The following DOCK7 variants were observed in gnomAD, a reference collection of about 807,000 sequenced individuals.
The protein encoded by DOCK7 is dedicator of cytokinesis protein 7.
Under a neutral mutation model 271.0 loss-of-function variants are expected in DOCK7, and 138 were observed. The ratio of observed to expected loss-of-function variants is 0.51; its 90% confidence interval spans 0.44 to 0.59. DOCK7 has a LOEUF of 0.59. DOCK7 is among the 20% of genes least tolerant of loss of function. The pLI, the probability that DOCK7 is intolerant of heterozygous loss-of-function variation, is 0.00. For synonymous variants in DOCK7, 823 were observed against 876.1 expected, an observed-to-expected ratio of 0.94 and a Z score of 1.07; for missense variants, 2,066 against 2,592.4, an observed-to-expected ratio of 0.80 and a Z score of 4.41.
rs898468897 is a variant in DOCK7, at chr1:62,530,406, C to T, written c.3612-960G>A. Reference sequence around the variant, plus strand: ...TTTTTTCAACAGCTTCAATGTCTCCCCTCATTAGGTTCTTCCCTTCTTTCT... The same window carrying T: ...TTTTTTCAACAGCTTCAATGTCTCCTCTCATTAGGTTCTTCCCTTCTTTCT... On this transcript the variant is annotated intron_variant, in intron 29 of 49. Transcript: ENST00000635253. Among the ~76,000 whole-genome samples, 6 of 152,256 alleles carry T rather than the reference C, an allele frequency of 3.9e-5. No individual in the cohort carries two copies. In the East Asian group the frequency reaches 9.7e-4, roughly 25 times the overall value.
intron 4 of DOCK7, among the ~76,000 whole-genome samples, chr1:62,648,975 T>A (rs556968395): frequency 1.6e-4 from 25 of 152,230 alleles, no homozygotes; most frequent in African/African-American, 5.8e-4. Context: ...AGCCAAGAAA[T>A]TTTTTGCTAT....
At chr1:62,683,612 C>T (rs1351346716) in intron 1 of DOCK7, among the ~76,000 whole-genome samples, 1 of 152,190 alleles carries the variant, frequency 6.6e-6, no homozygotes, top group African/African-American at 2.4e-5. Context: ...GGAACTACCA[C>T]AGAAAATATT....
Position 62,511,828 on chromosome 1 carries a change from AT to A in DOCK7, c.4283-1156del, listed in dbSNP as rs1027021949. On this transcript the variant is annotated intron_variant, in intron 33 of 49. Transcript: ENST00000635253. ...TTAACTATAATATTCTATCATTTAC[AT>A]TTTTTCCCACGAAACTCTCAATAGT... 3.9e-5 allele frequency among the ~76,000 whole-genome samples: 6 copies of A among 152,128 alleles called. No individual in the cohort carries two copies. The East Asian group carries it at 5.8e-4, about 15-fold the overall frequency.
At chr1:62,656,859 A>G (rs886395728) in intron 2 of DOCK7, among the ~76,000 whole-genome samples, 1 of 152,192 alleles carries the variant, frequency 6.6e-6, no homozygotes, top group Non-Finnish European at 1.5e-5. Flanking sequence ...GCAGCCTGAC[A>G]AAACAAAAAA....
intron 48 of DOCK7, among the ~76,000 whole-genome samples, chr1:62,469,369 T>C (rs1645765591): frequency 6.6e-6 from 1 of 152,160 alleles, no homozygotes; most frequent in Non-Finnish European, 1.5e-5. Flanking sequence ...GCAAGCCATA[T>C]ACAGGAGAAT....
intron 31 of DOCK7, 68 bp from the exon 32 acceptor site, chr1:62,513,966 C>T (rs775290994): frequency 2.1e-6 from 3 of 1,402,816 alleles, no homozygotes; most frequent in Non-Finnish European, 1.9e-6. Context: ...TGGCTATCAA[C>T]TGTTTTCTTC....
At chr1:62,686,861 T>G (rs1327547670) in intron 1 of DOCK7, among the ~76,000 whole-genome samples, 1 of 148,644 alleles carries the variant, frequency 6.7e-6, no homozygotes, top group Non-Finnish European at 1.5e-5. Flanking sequence ...AAAAAAAAAG[T>G]GCTAGAACGC....
At chr1:62,686,882 GA>G (rs113655880) in intron 1 of DOCK7, among the ~76,000 whole-genome samples, 5 of 147,444 alleles carry the variant, frequency 3.4e-5, no homozygotes, top group Admixed American at 6.8e-5. Flanking sequence ...TGGAAAGAAA[GA>G]AAAAAAAAAG....
At chr1:62,587,316 A>AAAAAAAAAAAAC (rs1647705724) in intron 14 of DOCK7, among the ~76,000 whole-genome samples, 1 of 150,928 alleles carries the variant, frequency 6.6e-6, no homozygotes, top group Non-Finnish European at 1.5e-5. Context: ...AAAAAAAAAA[A>AAAAAAAAAAAAC]AAAAAAAGAA....
At chr1:62,590,462 T>C (rs1648272299) in intron 14 of DOCK7, among the ~76,000 whole-genome samples, 1 of 152,202 alleles carries the variant, frequency 6.6e-6, no homozygotes, top group African/African-American at 2.4e-5. Context: ...ACCTGAAGTA[T>C]GTCTATAATT....
intron 35 of DOCK7, among the ~76,000 whole-genome samples, chr1:62,507,648 C>CT (rs1646982497): frequency 6.6e-6 from 1 of 152,158 alleles, no homozygotes; most frequent in Non-Finnish European, 1.5e-5. Context: ...GTAGCTATAG[C>CT]TATACATGCA....
In DOCK7 at chr1:62,583,337, A is replaced by G. The variant is rs1279777425; in HGVS notation, c.1801-83T>C. 3 of 1,316,580 alleles carry G rather than the reference A, an allele frequency of 2.3e-6. No homozygotes were observed. The African/African-American group carries it at 4.4e-5, about 19-fold the overall frequency. The allele number at this position is 1,316,580 out of a possible 1,614,324, so 81.6% of individuals were successfully genotyped here. A position where few individuals can be genotyped will look rare whatever the true frequency, so the allele number is the denominator to read the frequency against. Reference sequence around the variant, plus strand: ...ACTATGTAAGAATTTGTCTGATTTAATAACTATTTGAGAAAAATGGGCAAA... The same window carrying G: ...ACTATGTAAGAATTTGTCTGATTTAGTAACTATTTGAGAAAAATGGGCAAA... On this transcript the variant is annotated intron_variant, in intron 15 of 49. Transcript: ENST00000635253.
rs1424853070 is a variant in DOCK7, at chr1:62,601,344, C to T, written c.1683-14720G>A. 1.1e-5 allele frequency: 7 copies of T among 635,832 alleles called. No homozygotes were observed. The East Asian group carries it at 1.7e-4, about 15-fold the overall frequency. 39.4% of individuals were successfully genotyped at this position (635,832 alleles called of 1,614,324 possible). On this transcript the variant is annotated intron_variant, in intron 14 of 49. Coordinates refer to ENST00000635253, the MANE Select transcript of DOCK7 (RefSeq NM_001367561.1). Reference sequence around the variant, plus strand: ...CTGGATGCTGGGGTTCTTTTTACACCCTATAAAAGACATACCTAAGACAAT... The same window carrying T: ...CTGGATGCTGGGGTTCTTTTTACACTCTATAAAAGACATACCTAAGACAAT...
intron 16 of DOCK7, among the ~76,000 whole-genome samples, chr1:62,581,882 T>G (rs922407241): frequency 1.3e-4 from 20 of 152,170 alleles, no homozygotes; most frequent in African/African-American, 4.3e-4. Flanking sequence ...AAAGGACTGT[T>G]GTGTTTTTAA....
In DOCK7 at chr1:62,505,082, T is replaced by C. The variant is rs74664127; in HGVS notation, c.4612-300A>G. ...TTCTATCAGAATGTGCATAAAACAC[T>C]TAGTAATCAACATATATGAATTCTA... On this transcript the variant is annotated intron_variant, in intron 36 of 49. Coordinates refer to ENST00000635253, the MANE Select transcript of DOCK7 (RefSeq NM_001367561.1). 0.017 allele frequency among the ~76,000 whole-genome samples: 2,639 copies of C among 152,292 alleles called. 76 individuals are homozygous for C. Among genetic ancestry groups the C allele is most frequent in the African/African-American group, 0.06 (2,491 of 41,556 alleles).
chr1:62,525,041 T>C (rs933331863), intron 31 of DOCK7, among the ~76,000 whole-genome samples: 9 of 150,790 alleles, frequency 6.0e-5, no homozygotes, highest in African/African-American at 2.2e-4. Context: ...AGTCTTGCTC[T>C]GTTGCCCAGG....
intron 37 of DOCK7, among the ~76,000 whole-genome samples, chr1:62,502,793 G>C (rs1011177747): frequency 6.6e-6 from 1 of 152,030 alleles, no homozygotes; most frequent in Admixed American, 6.6e-5. Flanking sequence ...AGAGGGAAAG[G>C]CATAACAAAA....
intron 19 of DOCK7, among the ~76,000 whole-genome samples, chr1:62,559,595 T>C (rs1244708903): frequency 6.6e-6 from 1 of 152,198 alleles, no homozygotes; most frequent in Non-Finnish European, 1.5e-5. Context: ...CCATACCTTA[T>C]GATACTGGCG....
intron 12 of DOCK7, among the ~76,000 whole-genome samples, chr1:62,620,883 CAAAAAAAAA>C (rs767181280): frequency 3.2e-5 from 1 of 31,148 alleles, no homozygotes; most frequent in East Asian, 7.6e-4. Flanking sequence ...GACTCCGTCT[CAAAAAAAAA>C]AAAAAAAAAA....
Sources: allele counts gnomAD v4.1 joint callset (sites outside exome capture counted in the v4.1 genomes callset), GRCh38; gene constraint gnomAD v4.1.1; transcripts MANE v1.5; gene names NCBI Gene and HGNC (gene_info 2026-07-23, HGNC 2026-07-21).